The following ZNF835 variants were observed in gnomAD, a reference collection of about 807,000 sequenced individuals.
The protein encoded by ZNF835 is zinc finger protein 835.
For synonymous variants in ZNF835, 323 were observed against 324.7 expected (o/e 0.99, Z 0.06); for missense variants, 783 against 758.4 (o/e 1.03, Z -0.38).
chr19:56,664,758 G>A lies in ZNF835; in HGVS notation c.441C>T (p.Phe147=), dbSNP rs534266664. The A allele has an allele frequency of 1.9e-6, 3 of 1,614,138 alleles. No individual in the cohort carries two copies. The highest frequency in any genetic ancestry group is 1.7e-5 in the Admixed American group (1 of 60,032). Residue 147 remains phenylalanine, a synonymous_variant, in exon 2 of 2, where the codon TTC becomes TTT. Transcript: ENST00000537055. The part of the protein sequence containing the change: ...PFACPECGKA[F]SQSVHLTLHQ... ...GCAGGGTCAGGTGCACGCTCTGGCT[G>A]AAGGCCTTGCCGCACTCGGGGCACG... is the stretch of plus-strand genomic sequence containing the variant.
chr19:56,664,618 T>C lies in ZNF835; in HGVS notation c.581A>G (p.His194Arg). The C allele has an allele frequency of 6.2e-7, 1 of 1,605,862 alleles. No homozygotes were observed. The highest frequency in any genetic ancestry group is 8.5e-7 in the Non-Finnish European group (1 of 1,176,488). The change falls in exon 2 of 2, where the codon CAC (histidine) becomes CGC (arginine). Residue 194 changes from histidine to arginine, a missense_variant. Transcript: ENST00000537055. Reference sequence around the variant, plus strand: ...GGCCTTGCCGCAGTCGGCGCAGCGGTGCGGCTTCTCGCCCGTGTGCGTGCG... The same window carrying C: ...GGCCTTGCCGCAGTCGGCGCAGCGGCGCGGCTTCTCGCCCGTGTGCGTGCG... ...HWRTHTGEKP[H>R]RCADCGKAFT... is the part of the protein sequence containing the mutation.
intron 1 of ZNF835, chr19:56,665,503 T>C (rs1208594358): frequency 1.6e-6 from 1 of 619,830 alleles, no homozygotes; most frequent in South Asian, 1.4e-5. Flanking sequence ...GAAAAATGTC[T>C]CCAGGCCGGA....
Position 56,664,509 on chromosome 19 carries a change from C to A in ZNF835, c.690G>T (p.Ala230=). 1 of 1,524,712 alleles carries A rather than the reference C, an allele frequency of 6.6e-7. No individual in the cohort carries two copies. Among genetic ancestry groups the A allele is most frequent in the African/African-American group, 1.6e-5 (1 of 62,224 alleles). 94.4% of individuals were successfully genotyped at this position (1,524,712 alleles called of 1,614,324 possible). Residue 230 remains alanine (A), a synonymous_variant, in exon 2 of 2, where the codon GCG becomes GCT. Coordinates refer to ENST00000537055, the MANE Select transcript of ZNF835 (RefSeq NM_001005850.3). ...RPYACAQCAK[A]FRNRSSLIEH... is the part of the protein sequence containing the mutation. ...CTATCAGGGACGAGCGGTTGCGGAA[C>A]GCCTTGGCGCACTGGGCGCACGCGT...
At chr19:56,671,093 AAGG>A in intron 1 of ZNF835, among the ~76,000 whole-genome samples, 1 of 152,222 alleles carries the variant, frequency 6.6e-6, no homozygotes, top group East Asian at 1.9e-4. Context: ...ACACACCTGC[AAGG>A]CCTGGCACCG....
chr19:56,670,116 T>G (rs538090586), intron 1 of ZNF835, among the ~76,000 whole-genome samples: 677 of 146,636 alleles, frequency 4.6e-3, no homozygotes, highest in Non-Finnish European at 7.7e-3. Context: ...TCAGGAGTCC[T>G]CCATTAGCAT....
chr19:56,670,968 A>G lies in ZNF835; in HGVS notation c.-48+608T>C, dbSNP rs115964878. Among the ~76,000 whole-genome samples, 1,364 of 152,388 alleles carry G rather than the reference A, an allele frequency of 9.0e-3. 20 individuals are homozygous for G. Among genetic ancestry groups the G allele is most frequent in the African/African-American group, 0.031 (1,305 of 41,598 alleles). ...GACACCGCTTCACATGAACGAGCAC[A>G]TAACACACCGATAAAGTGTTACATG... On this transcript the variant is annotated intron_variant, in intron 1 of 1. Coordinates refer to ENST00000537055, the MANE Select transcript of ZNF835 (RefSeq NM_001005850.3).
intron 1 of ZNF835, among the ~76,000 whole-genome samples, chr19:56,666,623 C>A (rs2045248241): frequency 1.3e-5 from 2 of 152,250 alleles, no homozygotes; most frequent in South Asian, 4.1e-4. Context: ...TTTTTGTAAG[C>A]TGGAGCTAAG....
chr19:56,664,214 T>C lies in ZNF835; in HGVS notation c.985A>G (p.Thr329Ala), dbSNP rs1431012160. Residue 329 changes from threonine (T) to alanine (A), a missense_variant, in exon 2 of 2, where the codon ACA becomes GCA. Coordinates refer to ENST00000537055, the MANE Select transcript of ZNF835 (RefSeq NM_001005850.3). ...CCGCACGCGTAGGGCTTCTCGCCTG[T>C]GTGGATGCGCCGGTGCTCGGCCAGA... ...ASLAEHRRIH[T>A]GEKPYACGQC... 1 of 1,605,440 alleles carries C rather than the reference T, an allele frequency of 6.2e-7. No homozygotes were observed. Among genetic ancestry groups the C allele is most frequent in the Non-Finnish European group, 8.5e-7 (1 of 1,175,438 alleles).
Position 56,663,393 on chromosome 19 carries a change from A to C in ZNF835, c.*192T>G. On this transcript the variant is annotated 3_prime_UTR_variant, in exon 2 of 2. Transcript: ENST00000537055. ...TCTACTTGCCCGTGCCCCATTTATAATTTTGCACCAGGAAGACCGCAGGGG... is the reference window on the plus strand; with the variant it reads ...TCTACTTGCCCGTGCCCCATTTATACTTTTGCACCAGGAAGACCGCAGGGG... 1.4e-6 allele frequency: 1 copy of C among 725,870 alleles called. No homozygotes were observed. The allele number at this position is 725,870 out of a possible 1,614,324, so 45.0% of individuals were successfully genotyped here.
At position 56,664,678 on chromosome 19, in the gene ZNF835, G is replaced by A; in HGVS notation, c.521C>T (p.Ala174Val). Residue 174 changes from alanine (A) to valine (V), a missense_variant, in exon 2 of 2, where the codon GCC (alanine) becomes GTC (valine). By Grantham distance (64) the Ala-to-Val change is moderately conservative. Coordinates refer to ENST00000537055, the MANE Select transcript of ZNF835 (RefSeq NM_001005850.3). ...KPYACHECGKAFSQGSYLASH... is the reference protein window; with the variant it reads ...KPYACHECGKVFSQGSYLASH... ...CGCCAGGTACGAGCCCTGGCTGAAG[G>A]CCTTGCCGCACTCGTGGCAGGCGTA... 3 of 1,612,154 alleles carry A rather than the reference G, an allele frequency of 1.9e-6. No individual in the cohort carries two copies. The South Asian group carries it at 3.3e-5, about 18-fold the overall frequency.
In ZNF835 at chr19:56,663,306, G is replaced by A. The variant is rs1335883432; in HGVS notation, c.*279C>T. 1 of 495,058 alleles carries A rather than the reference G, an allele frequency of 2.0e-6. No homozygotes were observed. Among genetic ancestry groups the A allele is most frequent in the Non-Finnish European group, 3.6e-6 (1 of 275,854 alleles). 30.7% of individuals were successfully genotyped at this position (495,058 alleles called of 1,614,324 possible). A position where few individuals can be genotyped will look rare whatever the true frequency, so the allele number is the denominator to read the frequency against. On this transcript the variant is annotated 3_prime_UTR_variant, in exon 2 of 2. Coordinates refer to ENST00000537055, the MANE Select transcript of ZNF835 (RefSeq NM_001005850.3). Reference sequence around the variant, plus strand: ...TGCACTCTAGCCTGGGTGACAGAGAGAGACACTGTCTCAAAGAAAAAAAGA... The same window carrying A: ...TGCACTCTAGCCTGGGTGACAGAGAAAGACACTGTCTCAAAGAAAAAAAGA...
At chr19:56,670,387 GACAC>G (rs1181692829) in intron 1 of ZNF835, among the ~76,000 whole-genome samples, 3 of 152,066 alleles carry the variant, frequency 2.0e-5, no homozygotes, top group Non-Finnish European at 4.4e-5. Context: ...TACCTGCCCA[GACAC>G]ACACAGACAT....
chr19:56,664,119 C>T lies in ZNF835; in HGVS notation c.1080G>A (p.Arg360=), dbSNP rs371860908. ...TQHQRTHTGE[R]PYPCHDCGKR... ...TGCCGCAGTCGTGGCAGGGGTAAGG[C>T]CGCTCTCCGGTGTGCGTGCGCTGGT... The change falls in exon 2 of 2, where the codon CGG becomes CGA. Residue 360 remains arginine (R), a synonymous_variant. Transcript: ENST00000537055. 6.2e-6 allele frequency: 10 copies of T among 1,606,132 alleles called. No homozygotes were observed. Among genetic ancestry groups the T allele is most frequent in the East Asian group, 2.2e-5 (1 of 44,778 alleles).
In ZNF835 at chr19:56,671,572, A is replaced by C. The variant is rs1432358500; in HGVS notation, c.-48+4T>G. 6.6e-6 allele frequency: 1 copy of C among 152,522 alleles called. No individual in the cohort carries two copies. The highest frequency in any genetic ancestry group is 1.5e-5 in the Non-Finnish European group (1 of 68,292). 9.4% of individuals were successfully genotyped at this position (152,522 alleles called of 1,614,324 possible). A position where few individuals can be genotyped will look rare whatever the true frequency, so the allele number is the denominator to read the frequency against. ...ACCTGCAGGAACACGCGCACACTAC[A>C]CACCGTTGCTCTCGCCTCCCGGTAT... is the stretch of plus-strand genomic sequence containing the variant. On this transcript the variant is annotated splice_donor_region_variant and intron_variant, in intron 1 of 1. Coordinates refer to ENST00000537055, the MANE Select transcript of ZNF835 (RefSeq NM_001005850.3).
intron 1 of ZNF835, among the ~76,000 whole-genome samples, chr19:56,667,929 G>A (rs1463134062): frequency 6.6e-6 from 1 of 152,166 alleles, no homozygotes; most frequent in African/African-American, 2.4e-5. Flanking sequence ...TGGACTTCCA[G>A]CCCCTAGAAC....
intron 1 of ZNF835, among the ~76,000 whole-genome samples, chr19:56,669,270 A>C (rs1031846385): frequency 6.6e-6 from 1 of 152,206 alleles, no homozygotes; most frequent in Non-Finnish European, 1.5e-5. Context: ...GGAGGAGCTC[A>C]GAGCACCATG....
Position 56,662,265 on chromosome 19 carries a change from C to T in ZNF835, c.*1320G>A, listed in dbSNP as rs944194896. 20 of 152,132 alleles carry T rather than the reference C, an allele frequency of 1.3e-4. No individual in the cohort carries two copies. The highest frequency in any genetic ancestry group is 4.8e-4 in the African/African-American group (20 of 41,426). 9.4% of individuals were successfully genotyped at this position (152,132 alleles called of 1,614,324 possible). ...GTCAGGAGAAGAAGATCAAATTGGC[C>T]CAGCTGAGCCCTCCTGGTCCAGGTC... On this transcript the variant is annotated 3_prime_UTR_variant, in exon 2 of 2. Transcript: ENST00000537055.
chr19:56,665,289 G>A (rs2045236448), intron 1 of ZNF835, 44 bp from the exon 2 acceptor site: 1 of 1,542,630 alleles, frequency 6.5e-7, no homozygotes, highest in East Asian at 2.2e-5. Context: ...GTTGCCACTT[G>A]TCCTGAGCTG....
chr19:56,664,317 G>A lies in ZNF835; in HGVS notation c.882C>T (p.Thr294=). 6.2e-7 allele frequency: 1 copy of A among 1,603,804 alleles called. No individual in the cohort carries two copies. The highest frequency in any genetic ancestry group is 1.3e-5 in the African/African-American group (1 of 74,200). Residue 294 remains threonine (T), a synonymous_variant, in exon 2 of 2, where the codon ACC becomes ACT. Transcript: ENST00000537055. ...CGCCCGTGTGCACGCGCCGGTGCTG[G>A]GTCAGGTGCGCGATCTGCGCGAAGG... ...AKAFAQIAHL[T]QHRRVHTGEK...
Sources: allele counts gnomAD v4.1 joint callset (sites outside exome capture counted in the v4.1 genomes callset), GRCh38; gene constraint gnomAD v4.1.1; transcripts MANE v1.5; gene names NCBI Gene and HGNC (gene_info 2026-07-23, HGNC 2026-07-21).